Variants in NISCH observed in about 807,000 individuals in gnomAD.
NISCH encodes I-1 receptor candidate protein.
A neutral mutation model predicts 138.4 loss-of-function variants in NISCH; 55 were observed. The observed-to-expected ratio is 0.40, with a 90% CI of 0.32 to 0.50. The LOEUF (loss-of-function observed/expected upper bound fraction) is 0.50, where lower values mean the gene tolerates loss of function less well. NISCH is among the 20% of genes least tolerant of loss of function. The pLI is 0.71. For missense variants in NISCH, 1,643 were observed against 2,005.5 expected (o/e 0.82, Z 3.45); for synonymous variants, 860 against 861.5 (o/e 1.00, Z 0.03).
At chr3:52,463,442 T>C (rs1164950352) in intron 3 of NISCH, among the ~76,000 whole-genome samples, 2 of 152,246 alleles carry the variant, frequency 1.3e-5, no homozygotes, top group East Asian at 1.9e-4. Context: ...TGTGAACTTA[T>C]GTTTTCATTT....
chr3:52,476,321 A>T, intron 7 of NISCH, 126 bp from the exon 8 acceptor site: 1 of 1,015,136 alleles, frequency 9.9e-7, no homozygotes, highest in Non-Finnish European at 1.5e-6. Flanking sequence ...GGCATGCTTT[A>T]ATGCAAGTTT....
chr3:52,470,570 C>T (rs1034056596), intron 3 of NISCH: 8 of 483,842 alleles, frequency 1.7e-5, no homozygotes, highest in South Asian at 2.8e-5. Context: ...TAATGCAGCT[C>T]TGCTGGCCTC....
At chr3:52,491,243 G>T in intron 19 of NISCH, 109 bp from the exon 20 acceptor site, 6 of 1,467,286 alleles carry the variant, frequency 4.1e-6, no homozygotes, top group Non-Finnish European at 5.4e-6. Context: ...GGCCCTCCTG[G>T]CCCTGGCCTC....
At chr3:52,464,517 CTTTTTT>C (rs71084185) in intron 3 of NISCH, among the ~76,000 whole-genome samples, 27 of 75,820 alleles carry the variant, frequency 3.6e-4, no homozygotes, top group Non-Finnish European at 5.4e-4. Context: ...TGTGAGTTGT[CTTTTTT>C]TTTTTTTTTT....
At chr3:52,459,805 A>G (rs989460985) in intron 3 of NISCH, among the ~76,000 whole-genome samples, 2 of 152,136 alleles carry the variant, frequency 1.3e-5, no homozygotes, top group Admixed American at 1.3e-4. Context: ...AGCCGCAAAA[A>G]GGATATATGA....
At chr3:52,474,457 C>T (rs1002015930) in intron 7 of NISCH, among the ~76,000 whole-genome samples, 15 of 152,186 alleles carry the variant, frequency 9.9e-5, no homozygotes, top group Admixed American at 2.0e-4. Context: ...CCACCACACC[C>T]AGCTAATTTT....
At chr3:52,468,797 C>A (rs1190201332) in intron 3 of NISCH, among the ~76,000 whole-genome samples, 1 of 151,904 alleles carries the variant, frequency 6.6e-6, no homozygotes, top group Admixed American at 6.6e-5. Context: ...AACTGAATTT[C>A]AAGCAGATTA....
intron 13 of NISCH, 51 bp from the exon 14 acceptor site, chr3:52,484,462 T>TTGGGGGCCCCCCCC: frequency 6.3e-6 from 5 of 788,670 alleles, no homozygotes; most frequent in Admixed American, 3.4e-5. Flanking sequence ...ACAGCCGCTC[T>TTGGGGGCCCCCCCC]CCCCGCCCCA....
At chr3:52,479,957 G>T in intron 12 of NISCH, 95 bp downstream of exon 12, 1 of 1,093,722 alleles carries the variant, frequency 9.1e-7, no homozygotes, top group Non-Finnish European at 1.3e-6. Context: ...GCTCAGGGCT[G>T]CCGAGTCCCA....
At chr3:52,484,386 T>A in intron 13 of NISCH, 127 bp from the exon 14 acceptor site, 1 of 757,800 alleles carries the variant, frequency 1.3e-6, no homozygotes, top group Non-Finnish European at 2.1e-6. Context: ...TCCATGTGGC[T>A]GGGTTTTGGG....
At chr3:52,460,721 C>CA (rs1706609425) in intron 3 of NISCH, among the ~76,000 whole-genome samples, 1 of 152,096 alleles carries the variant, frequency 6.6e-6, no homozygotes, top group South Asian at 2.1e-4. Context: ...CTCATTTTTA[C>CA]AAAAAACAAG....
chr3:52,486,001 C>G (rs1247125054), intron 15 of NISCH, among the ~76,000 whole-genome samples, 174 bp downstream of exon 15: 1 of 152,216 alleles, frequency 6.6e-6, no homozygotes, highest in Non-Finnish European at 1.5e-5. Context: ...CAATCTGTTT[C>G]CAAATTCTAA....
intron 13 of NISCH, chr3:52,480,770 T>C (rs1449095164): frequency 1.4e-6 from 2 of 1,445,336 alleles, no homozygotes; most frequent in African/African-American, 1.4e-5. Context: ...ACACCATGTT[T>C]GTGGGGCCAA....
chr3:52,483,880 G>T (rs1222678068), intron 13 of NISCH, among the ~76,000 whole-genome samples: 1 of 152,254 alleles, frequency 6.6e-6, no homozygotes, highest in Admixed American at 6.5e-5. Context: ...GGGCCAGCTT[G>T]CATGCCTGTG....
intron 18 of NISCH, among the ~76,000 whole-genome samples, chr3:52,490,485 A>G (rs1479664539): frequency 6.6e-6 from 1 of 152,204 alleles, no homozygotes; most frequent in Non-Finnish European, 1.5e-5. Flanking sequence ...GGGGTTAGGC[A>G]GCCTTTGCCC....
chr3:52,489,881 C>T, intron 17 of NISCH, 194 bp from the exon 18 acceptor site: 1 of 1,160,636 alleles, frequency 8.6e-7, no homozygotes, highest in Non-Finnish European at 1.2e-6. Context: ...ACCTCCTGTG[C>T]CACTTCCAGC....
rs374887908 is a variant in NISCH at position 52,472,253 on chromosome 3, C to T, written c.574-50C>T. The T allele has an allele frequency of 5.8e-5, 88 of 1,527,760 alleles. No homozygotes were observed. In the African/African-American group the frequency reaches 9.4e-4, roughly 16 times the overall value. 94.6% of individuals were successfully genotyped at this position (1,527,760 alleles called of 1,614,324 possible). On this transcript the variant is annotated intron_variant, in intron 5 of 20. Transcript: ENST00000345716. ...ACTTGTCAGCTGCTGCAGCACTCCC[C>T]GATGGGCATGCGACACTGTTCCCAA...
chr3:52,469,166 A>G (rs1035731046), intron 3 of NISCH, among the ~76,000 whole-genome samples: 25 of 151,916 alleles, frequency 1.6e-4, no homozygotes, highest in African/African-American at 4.6e-4. Flanking sequence ...GATGTTCCCA[A>G]TGTTCCTGTG....
In NISCH at chr3:52,480,175, C is replaced by T. The variant is rs980436643; in HGVS notation, c.1417-9C>T. On this transcript the variant is annotated splice_polypyrimidine_tract_variant and intron_variant, in intron 12 of 20. Coordinates refer to ENST00000345716, the MANE Select transcript of NISCH (RefSeq NM_007184.4). ...TCTCTCCCGGGCTGACTCAAGCACT[C>T]GTCCTCAGGGTGGTGAAGACTCCCG... is the stretch of plus-strand genomic sequence containing the variant. 25 of 1,613,610 alleles carry T rather than the reference C, an allele frequency of 1.5e-5. No individual in the cohort carries two copies. The highest frequency in any genetic ancestry group is 6.7e-5 in the African/African-American group (5 of 74,900).
Sources: allele counts gnomAD v4.1 joint callset (sites outside exome capture counted in the v4.1 genomes callset), GRCh38; gene constraint gnomAD v4.1.1; transcripts MANE v1.5; gene names NCBI Gene and HGNC (gene_info 2026-07-23, HGNC 2026-07-21).